The following TUBGCP3 variants were observed in gnomAD, a reference collection of about 807,000 sequenced individuals.
TUBGCP3 encodes the protein tubulin gamma complex component 3.
In TUBGCP3, 50 loss-of-function variants were observed where a neutral mutation model predicts 123.1. The ratio of observed to expected loss-of-function variants is 0.41; its 90% CI spans 0.32 to 0.51. TUBGCP3 has a LOEUF of 0.51. TUBGCP3 is among the 20% of genes least tolerant of loss of function. The probability of loss-of-function intolerance (pLI) is 0.36; values close to 1 mark genes in which losing one functional copy is unlikely to be tolerated. For synonymous variants in TUBGCP3, 405 were observed against 413.9 expected (o/e 0.98, Z 0.26); for missense variants, 882 against 1,127.0 (o/e 0.78, Z 3.11).
At chr13:112,598,020 G>A in the TUBGCP3 span, among the ~76,000 whole-genome samples, 4 of 152,136 alleles carry the variant, frequency 2.6e-5, no homozygotes, top group African/African-American at 7.2e-5. Flanking sequence ...CAAAATCCTC[G>A]GAGAGCAAAA....
At chr13:112,539,860 G>A (rs112684221) in intron 11 of TUBGCP3, among the ~76,000 whole-genome samples, 19,989 of 106,772 alleles carry the variant, frequency 0.19, 130 homozygotes, top group African/African-American at 0.43. Flanking sequence ...GAGCATTCAG[G>A]TGGTCTTGGG....
intron 1 of TUBGCP3, 141 bp downstream of exon 1, chr13:112,587,764 C>T: frequency 1.5e-6 from 1 of 678,136 alleles, no homozygotes; most frequent in South Asian, 2.6e-5. Flanking sequence ...TCGTCCGGGC[C>T]CCACGTCCTC....
intron 7 of TUBGCP3, 87 bp downstream of exon 7, chr13:112,554,800 C>T: frequency 1.1e-6 from 1 of 911,126 alleles, no homozygotes; most frequent in South Asian, 1.7e-5. Context: ...ACCCCAGTAC[C>T]ACCTTATCAA....
chr13:112,535,246 G>C (rs1289284520), intron 11 of TUBGCP3, among the ~76,000 whole-genome samples: 1 of 152,204 alleles, frequency 6.6e-6, no homozygotes, highest in Admixed American at 6.5e-5. Flanking sequence ...ATGCTGCTAT[G>C]AATGTTCATA....
intron 11 of TUBGCP3, chr13:112,544,478 T>C (rs891273898): frequency 9.9e-6 from 1 of 100,952 alleles, no homozygotes; most frequent in Non-Finnish European, 2.2e-5. Context: ...AAAAAAAAAA[T>C]GCATCCCCAC....
chr13:112,591,095 G>T (rs542551837), upstream of TUBGCP3, among the ~76,000 whole-genome samples: 5 of 152,300 alleles, frequency 3.3e-5, no homozygotes, highest in Admixed American at 1.3e-4. Context: ...ACATACTTCA[G>T]CCAGGAGACT....
At chr13:112,561,260 C>A (rs990807247) in intron 3 of TUBGCP3, among the ~76,000 whole-genome samples, 1 of 152,204 alleles carries the variant, frequency 6.6e-6, no homozygotes, top group African/African-American at 2.4e-5. Flanking sequence ...TGAGTCCCTG[C>A]AAGCCAGCAA....
chr13:112,489,555 G>A, intron 21 of TUBGCP3, 26 bp downstream of exon 21: 1 of 1,489,592 alleles, frequency 6.7e-7, no homozygotes, highest in Non-Finnish European at 9.4e-7. Flanking sequence ...GTGGTGTGAA[G>A]AGCCACTCTG....
intron 20 of TUBGCP3, among the ~76,000 whole-genome samples, chr13:112,492,759 C>T (rs368121512): frequency 8.0e-5 from 12 of 150,694 alleles, no homozygotes; most frequent in East Asian, 5.8e-4. Context: ...GGGAACATGG[C>T]CTGGTGTCCC....
At chr13:112,515,152 AC>A (rs1169680358) in intron 17 of TUBGCP3, among the ~76,000 whole-genome samples, 2 of 152,238 alleles carry the variant, frequency 1.3e-5, no homozygotes, top group Non-Finnish European at 2.9e-5. Context: ...GATATTCAAT[AC>A]AATAAGAGAA....
At chr13:112,534,276 G>A (rs1027871175) in intron 11 of TUBGCP3, among the ~76,000 whole-genome samples, 1 of 152,236 alleles carries the variant, frequency 6.6e-6, no homozygotes. Context: ...GCCGGGCGCG[G>A]CGGCTCACGC....
intron 20 of TUBGCP3, 141 bp downstream of exon 20, chr13:112,498,904 G>A (rs1880701050): frequency 1.2e-5 from 20 of 1,613,606 alleles, no homozygotes; most frequent in Admixed American, 1.7e-5. Flanking sequence ...GTGATTTCTC[G>A]GGACTTCAAA....
At chr13:112,490,293 T>G (rs960822943) in intron 20 of TUBGCP3, among the ~76,000 whole-genome samples, 3 of 152,242 alleles carry the variant, frequency 2.0e-5, no homozygotes, top group Admixed American at 2.0e-4. Flanking sequence ...GGAGTTTCGC[T>G]CTCCCATGCT....
chr13:112,523,321 T>G (rs1198731738), intron 13 of TUBGCP3, among the ~76,000 whole-genome samples: 1 of 152,244 alleles, frequency 6.6e-6, no homozygotes, highest in Non-Finnish European at 1.5e-5. Flanking sequence ...AGTTTAAGTC[T>G]CTTTCCACTA....
In TUBGCP3 at chr13:112,499,478, A is replaced by G. The variant is rs186807861; in HGVS notation, c.2308-293T>C. ...CAGGAGCTCTCTGCAAATCACCTCCAATCCTCACAAGTTTACAAAAATGAA... is the reference window on the plus strand; with the variant it reads ...CAGGAGCTCTCTGCAAATCACCTCCGATCCTCACAAGTTTACAAAAATGAA... On this transcript the variant is annotated intron_variant, in intron 19 of 21. Transcript: ENST00000261965. 1.2e-4 allele frequency among the ~76,000 whole-genome samples: 19 copies of G among 152,276 alleles called. 1 individual carries two copies. Among genetic ancestry groups the G allele is most frequent in the African/African-American group, 4.3e-4 (18 of 41,552 alleles).
Position 112,545,534 on chromosome 13 carries a change from T to C in TUBGCP3, c.1335+165A>G, listed in dbSNP as rs1878912207. 2.9e-6 allele frequency: 2 copies of C among 693,394 alleles called. No homozygotes were observed. Among genetic ancestry groups the C allele is most frequent in the South Asian group, 4.2e-5 (2 of 47,972 alleles). 43.0% of individuals were successfully genotyped at this position (693,394 alleles called of 1,614,324 possible). A position where few individuals can be genotyped will look rare whatever the true frequency, so the allele number is the denominator to read the frequency against. ...TGAACTTATCTGCTGTTCAGTGAGA[T>C]AACCAGCTGTCGAGGCACTGTGTAA... On this transcript the variant is annotated intron_variant, in intron 11 of 21. Coordinates refer to ENST00000261965, the MANE Select transcript of TUBGCP3 (RefSeq NM_006322.6). This position sits in a 1 kb window ranked among gnomAD's most constrained non-coding sequence, Gnocchi z 4.1.
chr13:112,557,511 G>A (rs572516102), intron 5 of TUBGCP3, among the ~76,000 whole-genome samples: 3 of 152,242 alleles, frequency 2.0e-5, no homozygotes, highest in South Asian at 2.1e-4. Flanking sequence ...ACTTTAATGC[G>A]ATTTCCGGGA....
At chr13:112,496,084 G>GT (rs1213485470) in intron 20 of TUBGCP3, among the ~76,000 whole-genome samples, 1 of 152,214 alleles carries the variant, frequency 6.6e-6, no homozygotes, top group African/African-American at 2.4e-5. Context: ...ACGTGTATGG[G>GT]TGCATGCATG....
chr13:112,585,406 T>C (rs1203382265), intron 1 of TUBGCP3, among the ~76,000 whole-genome samples: 2 of 152,220 alleles, frequency 1.3e-5, no homozygotes, highest in Non-Finnish European at 2.9e-5. Flanking sequence ...TGCTTGACAA[T>C]CCTAGCTATC....
Sources: allele counts gnomAD v4.1 joint callset (sites outside exome capture counted in the v4.1 genomes callset), GRCh38; gene constraint gnomAD v4.1.1; non-coding constraint Gnocchi (gnomAD v3.1); transcripts MANE v1.5; gene names NCBI Gene and HGNC (gene_info 2026-07-23, HGNC 2026-07-21).